The following NGEF variants were observed in gnomAD, a reference collection of about 807,000 sequenced individuals.
The protein encoded by NGEF is neuronal guanine nucleotide exchange factor, also known as ephexin-1.
In NGEF, 31 loss-of-function variants were observed where a neutral mutation model predicts 80.9. The ratio of observed to expected loss-of-function variants is 0.38; its 90% CI spans 0.29 to 0.52. NGEF has a LOEUF of 0.52. Among genes scored for constraint, NGEF ranks in the 20% least tolerant of loss-of-function variants. The probability of loss-of-function intolerance (pLI) is 0.84; values close to 1 mark genes in which losing one functional copy is unlikely to be tolerated. For synonymous variants in NGEF, 371 were observed against 370.2 expected (o/e 1.00, Z -0.03); for missense variants, 709 against 926.2 (o/e 0.77, Z 3.04).
At chr2:232,957,299 G>GTTA (rs900441561) in intron 3 of NGEF, among the ~76,000 whole-genome samples, 2 of 151,984 alleles carry the variant, frequency 1.3e-5, no homozygotes, top group Non-Finnish European at 2.9e-5. Context: ...TGTTGTTGCT[G>GTTA]TTATTATTAT....
intron 5 of NGEF, chr2:232,905,657 G>C (rs778311994): frequency 2.1e-4 from 78 of 369,524 alleles, no homozygotes; most frequent in Non-Finnish European, 3.7e-4. Context: ...GGGAAGTGAG[G>C]AGCGCCTCTT....
chr2:232,998,942 G>A (rs1006382120), intron 1 of NGEF, among the ~76,000 whole-genome samples: 4 of 152,142 alleles, frequency 2.6e-5, no homozygotes, highest in Admixed American at 6.5e-5. Flanking sequence ...GGTTCTGCCC[G>A]CTCATACAAT....
At chr2:232,951,015 C>T (rs539503816) in intron 3 of NGEF, among the ~76,000 whole-genome samples, 4 of 152,320 alleles carry the variant, frequency 2.6e-5, no homozygotes, top group African/African-American at 4.8e-5. Context: ...GACCCAGCGG[C>T]GTCCGGCATG....
At chr2:232,927,215 G>A in intron 3 of NGEF, 29 bp from the exon 4 acceptor site, 1 of 1,528,744 alleles carries the variant, frequency 6.5e-7, no homozygotes, top group Non-Finnish European at 8.7e-7. Flanking sequence ...GACAGGGGCT[G>A]GTTATTTTTA....
chr2:232,915,901 G>A (rs1212985235), intron 5 of NGEF, among the ~76,000 whole-genome samples: 1 of 152,156 alleles, frequency 6.6e-6, no homozygotes, highest in Non-Finnish European at 1.5e-5. Context: ...ATGTTGACCA[G>A]GCTGGTCTCG....
intron 4 of NGEF, among the ~76,000 whole-genome samples, chr2:232,926,188 A>G (rs1484700596): frequency 6.6e-6 from 1 of 152,152 alleles, no homozygotes; most frequent in African/African-American, 2.4e-5. Context: ...CAAACCTAGA[A>G]TTTTTATTTA....
chr2:232,936,117 G>A (rs909133371), intron 3 of NGEF, among the ~76,000 whole-genome samples: 8 of 152,156 alleles, frequency 5.3e-5, no homozygotes, highest in African/African-American at 1.7e-4. Flanking sequence ...CACCTCTGTC[G>A]CTGCAGCAGT....
At chr2:232,925,816 G>C (rs898290233) in intron 4 of NGEF, among the ~76,000 whole-genome samples, 2 of 152,116 alleles carry the variant, frequency 1.3e-5, no homozygotes, top group African/African-American at 2.4e-5. Flanking sequence ...TTTCTATGTG[G>C]CATCAGTTTC....
At chr2:232,903,482 G>A (rs1692414916) in intron 5 of NGEF, among the ~76,000 whole-genome samples, 1 of 151,992 alleles carries the variant, frequency 6.6e-6, no homozygotes, top group Non-Finnish European at 1.5e-5. Flanking sequence ...GTCTGACGAG[G>A]GAACTGGGTG....
rs77067948 is a variant in NGEF, at chr2:232,994,834, T to A, written c.-75+18234A>T. Among the ~76,000 whole-genome samples, 350 of 151,982 alleles carry A rather than the reference T, an allele frequency of 2.3e-3. 4 individuals are homozygous for A. Among genetic ancestry groups the A allele is most frequent in the East Asian group, 0.021 (109 of 5,176 alleles). ...TTATTATACAAATTAACATAGAAGATACTATTCCATCCACAAATATAATAC... is the reference window on the plus strand; with the variant it reads ...TTATTATACAAATTAACATAGAAGAAACTATTCCATCCACAAATATAATAC... On this transcript the variant is annotated intron_variant, in intron 1 of 14. Coordinates refer to ENST00000264051, the MANE Select transcript of NGEF (RefSeq NM_019850.3).
intron 5 of NGEF, among the ~76,000 whole-genome samples, chr2:232,916,161 T>C (rs1363389436): frequency 6.6e-6 from 1 of 152,222 alleles, no homozygotes; most frequent in African/African-American, 2.4e-5. Context: ...AAAAGGATTT[T>C]TATCCAAAAA....
chr2:232,976,504 G>A (rs550580516), intron 1 of NGEF, among the ~76,000 whole-genome samples: 3 of 152,236 alleles, frequency 2.0e-5, no homozygotes, highest in South Asian at 4.1e-4. Context: ...GAATGCCTTC[G>A]TTTACCTAAG....
chr2:232,977,763 G>A (rs1470329512), intron 1 of NGEF, among the ~76,000 whole-genome samples: 2 of 152,226 alleles, frequency 1.3e-5, no homozygotes, highest in African/African-American at 4.8e-5. Flanking sequence ...GCCCCGAGCA[G>A]GAGGCACAGG....
intron 1 of NGEF, among the ~76,000 whole-genome samples, chr2:232,993,450 A>G (rs1279438285): frequency 6.6e-6 from 1 of 151,956 alleles, no homozygotes; most frequent in Admixed American, 6.6e-5. Flanking sequence ...GGAAATTGGA[A>G]TCCTCATGCA....
At chr2:232,951,895 A>G (rs1218670595) in intron 3 of NGEF, among the ~76,000 whole-genome samples, 1 of 151,900 alleles carries the variant, frequency 6.6e-6, no homozygotes, top group Non-Finnish European at 1.5e-5. Flanking sequence ...TTTTTATAGC[A>G]TTTCTTAACA....
chr2:232,908,970 T>G (rs1412144366), intron 5 of NGEF, among the ~76,000 whole-genome samples: 1 of 152,196 alleles, frequency 6.6e-6, no homozygotes, highest in Non-Finnish European at 1.5e-5. Flanking sequence ...TCACGTCCAG[T>G]GTTTTTATTT....
In NGEF at chr2:232,942,792, C is replaced by CAAAA. The variant is rs35882284; in HGVS notation, c.384-15610_384-15607dup. Among the ~76,000 whole-genome samples the CAAAA allele has an allele frequency of 4.4e-3, 528 of 120,582 alleles. 5 individuals are homozygous for CAAAA. Among genetic ancestry groups the CAAAA allele is most frequent in the African/African-American group, 0.013 (458 of 33,934 alleles). 79.1% of individuals were successfully genotyped at this position (120,582 alleles called of 152,430 possible). On this transcript the variant is annotated intron_variant, in intron 3 of 14. Transcript: ENST00000264051. Reference sequence around the variant, plus strand: ...GAGGCTGAGGCAGGAGACTCCGTCTCAAAAAAAAAAAAAAAGAAAAGAAAA... The same window carrying CAAAA: ...GAGGCTGAGGCAGGAGACTCCGTCTCAAAAAAAAAAAAAAAAAAAGAAAAGAAAA...
chr2:232,879,436 C>CCCCTT lies in NGEF; in HGVS notation c.*52_*53insAAGGG. 1 of 1,460,014 alleles carries CCCCTT rather than the reference C, an allele frequency of 6.8e-7. No homozygotes were observed. The highest frequency in any genetic ancestry group is 9.3e-7 in the Non-Finnish European group (1 of 1,070,194). The allele number at this position is 1,460,014 out of a possible 1,614,324, so 90.4% of individuals were successfully genotyped here. On this transcript the variant is annotated 3_prime_UTR_variant, in exon 15 of 15. Coordinates refer to ENST00000264051, the MANE Select transcript of NGEF (RefSeq NM_019850.3). ...CTTCCCAGAGCCCCCCCCCCCCCAC[C>CCCCTT]TTCTGTCGGGGTCTCATGCAGGCCC...
intron 4 of NGEF, among the ~76,000 whole-genome samples, chr2:232,923,321 C>T (rs1692986434): frequency 6.6e-6 from 1 of 152,166 alleles, no homozygotes; most frequent in Non-Finnish European, 1.5e-5. Context: ...CCATGGCAGA[C>T]GCTATTGACT....
Sources: gnomAD v4.1 joint callset for allele counts (sites outside exome capture counted in the v4.1 genomes callset) on GRCh38, gnomAD v4.1.1 for gene constraint, MANE v1.5 for transcripts, NCBI Gene and HGNC (gene_info 2026-07-23, HGNC 2026-07-21) for gene names.